BPTF: variants seen among roughly 807,000 people sequenced by gnomAD.
The protein encoded by BPTF is bromodomain PHD finger transcription factor.
Under a neutral mutation model 292.5 loss-of-function variants are expected in BPTF, and 18 were observed. The ratio of observed to expected loss-of-function variants is 0.06; its 90% CI spans 0.04 to 0.09. The LOEUF (loss-of-function observed/expected upper bound fraction) is 0.09, where lower values mean the gene tolerates loss of function less well. Among genes scored for constraint, BPTF ranks in the 10% least tolerant of loss-of-function variants. BPTF has a pLI of 1.00. For synonymous variants in BPTF, 1,225 were observed against 1,251.9 expected, an observed-to-expected ratio of 0.98 and a Z score of 0.45; for missense variants, 2,726 against 3,498.7, an observed-to-expected ratio of 0.78 and a Z score of 5.57.
intron 11 of BPTF, among the ~76,000 whole-genome samples, chr17:67,918,346 C>T (rs973651456): frequency 6.6e-6 from 1 of 152,138 alleles, no homozygotes; most frequent in Non-Finnish European, 1.5e-5. Context: ...TTATCTATTT[C>T]TCTATATTTG....
chr17:67,898,622 C>G (rs1259757387), intron 7 of BPTF, among the ~76,000 whole-genome samples: 2 of 148,662 alleles, frequency 1.3e-5, no homozygotes, highest in Non-Finnish European at 3.0e-5. Flanking sequence ...TTTATTCATT[C>G]TTTTTTTAAA....
intron 2 of BPTF, among the ~76,000 whole-genome samples, chr17:67,858,352 G>A (rs1486972475): frequency 6.6e-6 from 1 of 152,186 alleles, no homozygotes; most frequent in Non-Finnish European, 1.5e-5. Flanking sequence ...ACATTTTGCT[G>A]TTGAGGTGGT....
chr17:67,885,913 C>T (rs1446162773), intron 4 of BPTF, among the ~76,000 whole-genome samples: 1 of 151,778 alleles, frequency 6.6e-6, no homozygotes, highest in Non-Finnish European at 1.5e-5. Context: ...GTCCTCACCC[C>T]CCCAAAAAAA....
intron 11 of BPTF, among the ~76,000 whole-genome samples, chr17:67,917,474 A>G (rs2063118871): frequency 1.3e-5 from 2 of 152,098 alleles, no homozygotes; most frequent in Non-Finnish European, 2.9e-5. Flanking sequence ...TTTGAAAACT[A>G]CACTAATGCT....
intron 1 of BPTF, among the ~76,000 whole-genome samples, chr17:67,842,637 A>G (rs1235466946): frequency 6.6e-6 from 1 of 152,174 alleles, no homozygotes; most frequent in East Asian, 1.9e-4. Context: ...TTGATGACAA[A>G]GGCTGTGGTC....
At chr17:67,891,212 T>C (rs901478946) in intron 4 of BPTF, among the ~76,000 whole-genome samples, 3 of 151,976 alleles carry the variant, frequency 2.0e-5, no homozygotes, top group African/African-American at 7.3e-5. Flanking sequence ...TCAGCCAAAG[T>C]GAGATTGATC....
At position 67,945,541 on chromosome 17, in the gene BPTF, A is replaced by G; in HGVS notation, c.6833A>G (p.Gln2278Arg). Residue 2278 changes from glutamine (Q) to arginine (R), a missense_variant, in exon 21 of 28, where the codon CAG becomes CGG. Gln to Arg is a conservative substitution (Grantham distance 43). Transcript: ENST00000306378. ...AQPQTAQPSA[Q>R]PQPQTQPQSP... Reference sequence around the variant, plus strand: ...CCACAGACTGCTCAGCCTTCAGCTCAGCCCCAGCCCCAAACCCAGCCCCAG... The same window carrying G: ...CCACAGACTGCTCAGCCTTCAGCTCGGCCCCAGCCCCAAACCCAGCCCCAG... 1.2e-6 allele frequency: 2 copies of G among 1,612,802 alleles called. No homozygotes were observed. The highest frequency in any genetic ancestry group is 1.7e-6 in the Non-Finnish European group (2 of 1,179,380).
In BPTF at chr17:67,976,685, CA is replaced by C. The variant is rs1156404121; in HGVS notation, c.8726+757del. Among the ~76,000 whole-genome samples the C allele has an allele frequency of 5.2e-3, 129 of 24,858 alleles. 1 individual carries two copies. Among genetic ancestry groups the C allele is most frequent in the Middle Eastern group, 0.017 (1 of 58 alleles). The allele number at this position is 24,858 out of a possible 152,430, so 16.3% of individuals were successfully genotyped here. A position where few individuals can be genotyped will look rare whatever the true frequency, so the allele number is the denominator to read the frequency against. ...TGAGTGACAGAGTGAGACCCTGTCT[CA>C]AAAAAAAAAAAAAAAAAAAAAAAAA... On this transcript the variant is annotated intron_variant, in intron 27 of 27. Coordinates refer to ENST00000306378, the MANE Select transcript of BPTF (RefSeq NM_182641.4).
Position 67,917,131 on chromosome 17 carries a change from C to CTTTTTTTTTTTTTTTTTTTTTTTTTTTTT in BPTF, c.5304-1564_5304-1563insTTTTTTTTTTTTTTTTTTTTTTTTTTTTT, listed in dbSNP as rs943348736. ...GATAAGTAACTAATATGGTATTGTCCTTTTTTTTTTTTTTTTTTTGAGATA... is the reference window on the plus strand; with the variant it reads ...GATAAGTAACTAATATGGTATTGTCCTTTTTTTTTTTTTTTTTTTTTTTTTTTTTTTTTTTTTTTTTTTTTTTTGAGATA... On this transcript the variant is annotated intron_variant, in intron 11 of 27. Transcript: ENST00000306378. Among the ~76,000 whole-genome samples, 46 of 105,780 alleles carry CTTTTTTTTTTTTTTTTTTTTTTTTTTTTT rather than the reference C, an allele frequency of 4.3e-4. 2 individuals carry two copies. The highest frequency in any genetic ancestry group is 3.3e-3 in the East Asian group (8 of 2,450). The allele number at this position is 105,780 out of a possible 152,430, so 69.4% of individuals were successfully genotyped here. A position where few individuals can be genotyped will look rare whatever the true frequency, so the allele number is the denominator to read the frequency against.
chr17:67,926,604 G>A (rs146232864), intron 15 of BPTF, among the ~76,000 whole-genome samples: 2,863 of 152,192 alleles, frequency 0.019, 82 homozygotes, highest in African/African-American at 0.065. Context: ...GATTACAGGC[G>A]TGAGCCACCG....
intron 4 of BPTF, among the ~76,000 whole-genome samples, chr17:67,883,538 T>C (rs1303294476): frequency 6.6e-6 from 1 of 152,206 alleles, no homozygotes; most frequent in Admixed American, 6.5e-5. Context: ...TGTCTTTCTT[T>C]TCTAAGTAGC....
chr17:67,906,576 G>A (rs1292252146), intron 9 of BPTF, among the ~76,000 whole-genome samples: 1 of 152,142 alleles, frequency 6.6e-6, no homozygotes, highest in African/African-American at 2.4e-5. Flanking sequence ...AACGCTGGCA[G>A]GTCCCAAGCC....
chr17:67,916,834 C>T (rs2063036161), intron 11 of BPTF, among the ~76,000 whole-genome samples: 1 of 151,080 alleles, frequency 6.6e-6, no homozygotes, highest in Non-Finnish European at 1.5e-5. Flanking sequence ...TACCTTCCAC[C>T]TCTGTTAGAA....
At position 67,948,187 on chromosome 17, in the gene BPTF, C is replaced by T. The variant is rs1237354640; in HGVS notation, c.7807C>T (p.Arg2603Cys). 4 of 1,613,988 alleles carry T rather than the reference C, an allele frequency of 2.5e-6. No individual in the cohort carries two copies. The highest frequency in any genetic ancestry group is 1.3e-5 in the African/African-American group (1 of 74,890). ...RKREESVEQK[R>C]SKQNATKLSA... ...GCGTGAAGAGAGTGTGGAGCAGAAA[C>T]GTAGCAAGCAGAATGCCACTAAGCT... The change falls in exon 23 of 28, where the codon CGT becomes TGT. Residue 2603 changes from arginine to cysteine, a missense_variant. Arg to Cys is a radical substitution (Grantham distance 180). Around this residue, in one of 22 missense-constraint regions of BPTF, gnomAD observed 26 missense variants for 60.6 expected, o/e 0.43. Transcript: ENST00000306378.
intron 11 of BPTF, among the ~76,000 whole-genome samples, chr17:67,916,765 CAAAA>C (rs768285922): frequency 1.8e-5 from 1 of 56,372 alleles, no homozygotes; most frequent in Non-Finnish European, 3.9e-5. Context: ...TACTCTGTCT[CAAAA>C]AAAAAAAAAA....
chr17:67,967,717 G>A (rs1189467479), intron 26 of BPTF, among the ~76,000 whole-genome samples: 1 of 151,540 alleles, frequency 6.6e-6, no homozygotes, highest in African/African-American at 2.4e-5. Flanking sequence ...TGCTAAGGAG[G>A]CTGAGGCACA....
At chr17:67,892,107 G>A in intron 5 of BPTF, 73 bp downstream of exon 5, 1 of 1,184,542 alleles carries the variant, frequency 8.4e-7, no homozygotes. Context: ...TTAAAAATAG[G>A]GGCTGGAAAT....
At chr17:67,840,290 A>G (rs2057446851) in intron 1 of BPTF, among the ~76,000 whole-genome samples, 1 of 151,816 alleles carries the variant, frequency 6.6e-6, no homozygotes, top group Non-Finnish European at 1.5e-5. Context: ...TTTTATTTGT[A>G]GAGATAGGGT....
Position 67,911,599 on chromosome 17 carries a change from C to G in BPTF, c.3715C>G (p.Gln1239Glu). The G allele has an allele frequency of 6.2e-7, 1 of 1,614,096 alleles. No homozygotes were observed. The highest frequency in any genetic ancestry group is 8.5e-7 in the Non-Finnish European group (1 of 1,180,024). Residue 1239 changes from glutamine (Q) to glutamate (E), a missense_variant, in exon 11 of 28, where the codon CAG becomes GAG. Gln to Glu is a conservative substitution (Grantham distance 29). This residue lies in a region of BPTF where 713 missense variants were observed against 714.9 expected (regional missense o/e 1.00). Coordinates refer to ENST00000306378, the MANE Select transcript of BPTF (RefSeq NM_182641.4). ...CTGTAAGAACAAAAAACCGCTCATA[C>G]AGGAGGAAAGTGACACCATTGTTTC... is the stretch of plus-strand genomic sequence containing the variant. ...LICKNKKPLI[Q>E]EESDTIVSSS...
Sources: allele counts gnomAD v4.1 joint callset (sites outside exome capture counted in the v4.1 genomes callset), GRCh38; gene constraint gnomAD v4.1.1; regional missense constraint gnomAD v4.1.1; transcripts MANE v1.5; gene names NCBI Gene and HGNC (gene_info 2026-07-23, HGNC 2026-07-21).